The following SEMA3D variants were observed in gnomAD, a reference collection of about 807,000 sequenced individuals.
SEMA3D encodes semaphorin-3D.
Under a neutral mutation model 100.1 loss-of-function variants are expected in SEMA3D, and 84 were observed. The observed-to-expected ratio is 0.84, with a 90% CI of 0.70 to 1.01. The LOEUF is 1.01. SEMA3D is among the 50% of genes least tolerant of loss of function. The probability of loss-of-function intolerance (pLI) is 0.00; values close to 1 mark genes in which losing one functional copy is unlikely to be tolerated. For missense variants in SEMA3D, 875 were observed against 934.1 expected, an observed-to-expected ratio of 0.94 and a Z score of 0.82; for synonymous variants, 312 against 320.7, an observed-to-expected ratio of 0.97 and a Z score of 0.29.
chr7:85,043,860 A>G (rs1346261825), intron 9 of SEMA3D, among the ~76,000 whole-genome samples: 1 of 152,100 alleles, frequency 6.6e-6, no homozygotes, highest in Non-Finnish European at 1.5e-5. Context: ...TGAAACTGTG[A>G]GTCCAATTAA....
At chr7:85,250,065 G>A in the SEMA3D span, among the ~76,000 whole-genome samples, 2 of 152,140 alleles carry the variant, frequency 1.3e-5, no homozygotes, top group African/African-American at 4.8e-5. Flanking sequence ...GGAAGCACAA[G>A]GGGTCAGGGA....
At chr7:85,016,323 C>CA (rs1790101547) in intron 15 of SEMA3D, among the ~76,000 whole-genome samples, 3 of 144,974 alleles carry the variant, frequency 2.1e-5, no homozygotes, top group African/African-American at 7.6e-5. Flanking sequence ...TTATATTGTA[C>CA]AAAAGACTTA....
chr7:85,151,024 C>T (rs1474940265), intron 2 of SEMA3D, among the ~76,000 whole-genome samples: 1 of 151,658 alleles, frequency 6.6e-6, no homozygotes, highest in Non-Finnish European at 1.5e-5. Flanking sequence ...CTTAATATCA[C>T]CTGAAAGTTT....
chr7:85,020,167 G>A (rs1790214638), intron 14 of SEMA3D, 66 bp downstream of exon 14: 3 of 994,316 alleles, frequency 3.0e-6, no homozygotes, highest in South Asian at 1.3e-5. Flanking sequence ...TAAAACAAGG[G>A]TGCCCTATAA....
At chr7:85,132,287 TAAA>T (rs746542896) in intron 2 of SEMA3D, among the ~76,000 whole-genome samples, 2 of 151,924 alleles carry the variant, frequency 1.3e-5, no homozygotes, top group African/African-American at 2.4e-5. Flanking sequence ...TGGAAACTCG[TAAA>T]ACAGTGAAGC....
intron 1 of SEMA3D, among the ~76,000 whole-genome samples, chr7:85,174,394 A>G (rs1791169219): frequency 1.3e-5 from 2 of 152,168 alleles, no homozygotes; most frequent in Admixed American, 6.6e-5. Flanking sequence ...TTCAAGAGCA[A>G]TATAAATATA....
chr7:85,043,830 G>T (rs536932262), intron 9 of SEMA3D, among the ~76,000 whole-genome samples: 12 of 152,228 alleles, frequency 7.9e-5, no homozygotes, highest in Non-Finnish European at 1.8e-4. Context: ...CGCTATGAAT[G>T]TGAGGCCTCC....
At chr7:85,182,641 A>G (rs576841590) in intron 1 of SEMA3D, among the ~76,000 whole-genome samples, 29 of 152,322 alleles carry the variant, frequency 1.9e-4, no homozygotes, top group African/African-American at 7.0e-4. Flanking sequence ...TATAAAAATT[A>G]AAAAGGATTT....
At chr7:85,220,909 C>T in the SEMA3D span, among the ~76,000 whole-genome samples, 6 of 152,050 alleles carry the variant, frequency 3.9e-5, no homozygotes, top group African/African-American at 1.4e-4. Context: ...GCACAAAATG[C>T]AGGACAAAGA....
At chr7:85,015,289 A>G (rs924878296) in intron 15 of SEMA3D, 73 bp from the exon 16 acceptor site, 13 of 1,388,816 alleles carry the variant, frequency 9.4e-6, no homozygotes, top group Admixed American at 1.8e-5. Flanking sequence ...TTTCTTGAAT[A>G]TCACATAATA....
intron 1 of SEMA3D, among the ~76,000 whole-genome samples, chr7:85,162,875 G>A (rs1044086204): frequency 1.3e-5 from 2 of 152,064 alleles, no homozygotes; most frequent in Non-Finnish European, 2.9e-5. Context: ...CATCATCTTG[G>A]AACTGACTGA....
chr7:85,109,671 A>T (rs1789035414), intron 3 of SEMA3D, among the ~76,000 whole-genome samples: 1 of 151,988 alleles, frequency 6.6e-6, no homozygotes, highest in Admixed American at 6.6e-5. Context: ...TTCTTAAGAA[A>T]TCAGAGAAGT....
chr7:85,218,663 G>A, the SEMA3D span, among the ~76,000 whole-genome samples: 1 of 152,020 alleles, frequency 6.6e-6, no homozygotes, highest in South Asian at 2.1e-4. Context: ...TATTTAATTG[G>A]CCATTTACTT....
At chr7:85,121,028 T>C (rs1270531367) in intron 3 of SEMA3D, among the ~76,000 whole-genome samples, 1 of 152,162 alleles carries the variant, frequency 6.6e-6, no homozygotes, top group Admixed American at 6.6e-5. Context: ...ATTGCCAGCA[T>C]AATTTTTGCC....
At chr7:85,017,208 A>C (rs1790129105) in intron 15 of SEMA3D, among the ~76,000 whole-genome samples, 1 of 151,730 alleles carries the variant, frequency 6.6e-6, no homozygotes, top group Non-Finnish European at 1.5e-5. Flanking sequence ...CATCCTTCAT[A>C]ATTCAAGCTG....
intron 2 of SEMA3D, among the ~76,000 whole-genome samples, 175 bp from the exon 3 acceptor site, chr7:85,122,106 G>C (rs1744644345): frequency 6.6e-6 from 1 of 151,888 alleles, no homozygotes; most frequent in African/African-American, 2.4e-5. Flanking sequence ...GGCTGGGGGA[G>C]GGAGAGCATT....
At chr7:85,034,006 A>G (rs1357476102) in intron 12 of SEMA3D, among the ~76,000 whole-genome samples, 1 of 152,118 alleles carries the variant, frequency 6.6e-6, no homozygotes, top group Non-Finnish European at 1.5e-5. Context: ...AATTTACAGT[A>G]TGATAGTAAA....
At chr7:85,181,338 AC>A (rs1479127287) in intron 1 of SEMA3D, among the ~76,000 whole-genome samples, 2 of 129,482 alleles carry the variant, frequency 1.5e-5, no homozygotes, top group Admixed American at 8.5e-5. Flanking sequence ...ACACACACAC[AC>A]ACACACACAC....
intron 2 of SEMA3D, among the ~76,000 whole-genome samples, chr7:85,134,393 A>G (rs1442132315): frequency 6.6e-6 from 1 of 152,030 alleles, no homozygotes; most frequent in Middle Eastern, 3.2e-3. Context: ...AATAACCAAA[A>G]ATGTTTATGC....
Sources: gnomAD v4.1 joint callset for allele counts (sites outside exome capture counted in the v4.1 genomes callset) on GRCh38, gnomAD v4.1.1 for gene constraint, MANE v1.5 for transcripts, NCBI Gene and HGNC (gene_info 2026-07-23, HGNC 2026-07-21) for gene names.